Variants in GRIK4 observed in about 807,000 individuals in gnomAD.
The protein encoded by GRIK4 is glutamate receptor ionotropic, kainate 4.
GRIK4 carries 40 observed loss-of-function variants against 104.9 expected under a neutral mutation model. The observed-to-expected ratio is 0.38, with a 90% CI of 0.30 to 0.50. GRIK4 has a LOEUF of 0.50. GRIK4 is among the 20% of genes least tolerant of loss of function. The pLI is 0.93. For missense variants in GRIK4, 1,047 were observed against 1,308.1 expected (o/e 0.80, Z 3.08); for synonymous variants, 485 against 524.9 (o/e 0.92, Z 1.04).
chr11:120,813,259 T>C (rs1952865647), intron 4 of GRIK4, among the ~76,000 whole-genome samples: 1 of 151,994 alleles, frequency 6.6e-6, no homozygotes. Flanking sequence ...CTTGATTAGG[T>C]GTGTGACCAG....
intron 1 of GRIK4, among the ~76,000 whole-genome samples, chr11:120,529,822 C>A (rs1947904946): frequency 6.6e-6 from 1 of 152,236 alleles, no homozygotes; most frequent in Non-Finnish European, 1.5e-5. Context: ...TCACATCCAG[C>A]ATCTCATTTA....
chr11:120,725,623 G>C (rs1002158184), intron 3 of GRIK4, among the ~76,000 whole-genome samples: 1 of 152,138 alleles, frequency 6.6e-6, no homozygotes, highest in African/African-American at 2.4e-5. Flanking sequence ...GTGGTCATCT[G>C]GTGAGTTTCA....
intron 1 of GRIK4, among the ~76,000 whole-genome samples, chr11:120,634,967 G>A (rs1949379870): frequency 6.6e-6 from 1 of 152,210 alleles, no homozygotes; most frequent in Non-Finnish European, 1.5e-5. Context: ...CGCCTTGGCA[G>A]CTGGGGAGCA....
In GRIK4 at chr11:120,956,883, G is replaced by T. The variant is rs781555240; in HGVS notation, c.1804G>T (p.Gly602Trp). 1.9e-6 allele frequency: 3 copies of T among 1,613,476 alleles called. No individual in the cohort carries two copies. The highest frequency in any genetic ancestry group is 1.3e-5 in the African/African-American group (1 of 74,916). Residue 602 changes from glycine (G) to tryptophan (W), a missense_variant, in exon 16 of 21, where the codon GGG becomes TGG. Gly to Trp is a radical substitution (Grantham distance 184). Around this residue, in one of 3 missense-constraint regions of GRIK4, gnomAD observed 440 missense variants for 652.3 expected, o/e 0.67. Transcript: ENST00000527524. The surrounding 1 kb of genome is among the most constrained non-coding windows in gnomAD (Gnocchi z 4.6). ...GGGCAACAGCCTCTGGTTTCCGGTCGGGGGGTTCATGCAGCAAGGCTCCAC... is the reference window on the plus strand; with the variant it reads ...GGGCAACAGCCTCTGGTTTCCGGTCTGGGGGTTCATGCAGCAAGGCTCCAC... ...SLGNSLWFPV[G>W]GFMQQGSTIA... is the part of the protein sequence containing the mutation.
chr11:120,902,813 AGT>A lies in GRIK4; in HGVS notation c.1273-2471_1273-2470del, dbSNP rs2134498834. ...GACTAGGTGAGGTGGAAGATGGGGG[AGT>A]GTGTGGAGAGTTTGTGCAGGGAGAA... On this transcript the variant is annotated intron_variant, in intron 12 of 20. Transcript: ENST00000527524. The surrounding 1 kb of genome is among the most constrained non-coding windows in gnomAD (Gnocchi z 4.5). 6.6e-6 allele frequency among the ~76,000 whole-genome samples: 1 copy of A among 152,056 alleles called. No homozygotes were observed. The highest frequency in any genetic ancestry group is 1.9e-4 in the East Asian group (1 of 5,170).
intron 1 of GRIK4, chr11:120,564,492 G>C (rs1948284737): frequency 6.6e-6 from 1 of 152,210 alleles, no homozygotes; most frequent in African/African-American, 2.4e-5. Context: ...GGCTGGGAAG[G>C]GTCTTAGGAC....
chr11:120,624,557 C>T (rs895659092), intron 1 of GRIK4, among the ~76,000 whole-genome samples: 3 of 152,170 alleles, frequency 2.0e-5, no homozygotes, highest in Admixed American at 2.0e-4. Context: ...GTTCTCTCAG[C>T]ACCCTGCCCA....
intron 3 of GRIK4, among the ~76,000 whole-genome samples, chr11:120,760,617 C>T (rs771891476): frequency 1.6e-4 from 25 of 152,106 alleles, no homozygotes; most frequent in Non-Finnish European, 3.1e-4. Flanking sequence ...CCCCGACAGG[C>T]CCTAGTGTCT....
chr11:120,583,928 C>T (rs577600460), intron 1 of GRIK4, among the ~76,000 whole-genome samples: 1 of 152,300 alleles, frequency 6.6e-6, no homozygotes, highest in African/African-American at 2.4e-5. Flanking sequence ...GGATCTTTCA[C>T]CTCCCTGGTT....
In GRIK4 at chr11:120,609,556, T is replaced by G. The variant is rs1949006787; in HGVS notation, c.-158-44129T>G. ...TTTTTTTTTTTTTTGAGACAGAGTT[T>G]TGCTCTGTTGCCCAGGCTGGAGGTC... On this transcript the variant is annotated intron_variant, in intron 1 of 20. Transcript: ENST00000527524. 5.6e-5 allele frequency among the ~76,000 whole-genome samples: 8 copies of G among 143,900 alleles called. 1 individual carries two copies. Among genetic ancestry groups the G allele is most frequent in the South Asian group, 4.9e-4 (2 of 4,052 alleles). 94.4% of individuals were successfully genotyped at this position (143,900 alleles called of 152,430 possible). A position where few individuals can be genotyped will look rare whatever the true frequency, so the allele number is the denominator to read the frequency against.
At chr11:120,646,014 T>C (rs1949539160) in intron 1 of GRIK4, among the ~76,000 whole-genome samples, 1 of 152,204 alleles carries the variant, frequency 6.6e-6, no homozygotes, top group South Asian at 2.1e-4. Flanking sequence ...TGCCGTTCCA[T>C]AGCAGGGATG....
chr11:120,786,146 G>A (rs562787915), intron 3 of GRIK4, among the ~76,000 whole-genome samples: 38 of 152,040 alleles, frequency 2.5e-4, no homozygotes, highest in Non-Finnish European at 4.4e-4. Flanking sequence ...CAGTGTCCAC[G>A]GGGCCATCCC....
At chr11:120,931,531 A>G (rs1943481407) in intron 13 of GRIK4, among the ~76,000 whole-genome samples, 1 of 152,216 alleles carries the variant, frequency 6.6e-6, no homozygotes, top group African/African-American at 2.4e-5. Flanking sequence ...CATATTCAGC[A>G]TGCAGACTCT....
intron 20 of GRIK4, among the ~76,000 whole-genome samples, chr11:120,983,466 G>T (rs896563322): frequency 6.6e-6 from 1 of 152,156 alleles, no homozygotes; most frequent in Admixed American, 6.5e-5. Context: ...AATCTACTGG[G>T]CCTTATTGGA....
intron 5 of GRIK4, among the ~76,000 whole-genome samples, chr11:120,817,602 T>G (rs1952994148): frequency 6.6e-6 from 1 of 152,214 alleles, no homozygotes; most frequent in Non-Finnish European, 1.5e-5. Flanking sequence ...CCCTCTCCAT[T>G]CTGCTCACCT....
chr11:120,783,856 A>G (rs890399395), intron 3 of GRIK4, among the ~76,000 whole-genome samples: 4 of 152,180 alleles, frequency 2.6e-5, no homozygotes, highest in African/African-American at 7.2e-5. Context: ...GAAAAAAACG[A>G]TGCATAATAT....
At position 120,555,540 on chromosome 11, in the gene GRIK4, T is replaced by G. The variant is rs1188957371; in HGVS notation, c.-159+43653T>G. On this transcript the variant is annotated intron_variant, in intron 1 of 20. Transcript: ENST00000527524. This position sits in a 1 kb window ranked among gnomAD's most constrained non-coding sequence, Gnocchi z 5.3. ...CTCTGGGGCTGAGGCTGCCACCAGA[T>G]GCACACAGCGGTCGTCTTCTCCCTC... 1.3e-5 allele frequency among the ~76,000 whole-genome samples: 2 copies of G among 152,250 alleles called. No individual in the cohort carries two copies. The highest frequency in any genetic ancestry group is 4.8e-5 in the African/African-American group (2 of 41,472).
At chr11:120,628,179 G>A (rs1949285020) in intron 1 of GRIK4, among the ~76,000 whole-genome samples, 1 of 152,186 alleles carries the variant, frequency 6.6e-6, no homozygotes, top group African/African-American at 2.4e-5. Flanking sequence ...AAACTCGGAG[G>A]CTTGGTGAGC....
At chr11:120,638,053 T>C (rs1013045318) in intron 1 of GRIK4, among the ~76,000 whole-genome samples, 2 of 152,048 alleles carry the variant, frequency 1.3e-5, no homozygotes, top group African/African-American at 4.8e-5. Context: ...CTAATTTTTG[T>C]ATTTTTAGTA....
Sources: allele counts gnomAD v4.1 joint callset (sites outside exome capture counted in the v4.1 genomes callset), GRCh38; gene constraint gnomAD v4.1.1; regional missense constraint gnomAD v4.1.1; non-coding constraint Gnocchi (gnomAD v3.1); transcripts MANE v1.5; gene names NCBI Gene and HGNC (gene_info 2026-07-23, HGNC 2026-07-21).